Variants in ABTB2 observed in about 807,000 individuals in gnomAD.
ABTB2 encodes ankyrin repeat and BTB domain containing 2.
In ABTB2, 56 loss-of-function variants were observed where a neutral mutation model predicts 104.1. That is an observed-to-expected ratio of 0.54 (90% CI 0.43 to 0.67). The LOEUF is 0.67. Ranked by LOEUF, ABTB2 falls within the 30% of genes least tolerant of loss-of-function variation. The pLI, the probability that ABTB2 is intolerant of heterozygous loss-of-function variation, is 0.00. For synonymous variants in ABTB2, 606 were observed against 608.2 expected (o/e 1.00, Z 0.05); for missense variants, 1,279 against 1,407.7 (o/e 0.91, Z 1.46).
intron 1 of ABTB2, among the ~76,000 whole-genome samples, chr11:34,298,426 A>T (rs1211220567): frequency 2.0e-5 from 3 of 147,712 alleles, no homozygotes; most frequent in Non-Finnish European, 4.4e-5. Context: ...TTTTTTTTTT[A>T]AACCAATTAC....
At chr11:34,264,981 G>T (rs1438668748) in intron 1 of ABTB2, among the ~76,000 whole-genome samples, 2 of 152,212 alleles carry the variant, frequency 1.3e-5, no homozygotes, top group Non-Finnish European at 2.9e-5. Flanking sequence ...ACAGGGAAAG[G>T]GGAGATGTGC....
At chr11:34,268,056 G>A (rs1332204109) in intron 1 of ABTB2, among the ~76,000 whole-genome samples, 1 of 152,116 alleles carries the variant, frequency 6.6e-6, no homozygotes, top group African/African-American at 2.4e-5. Context: ...TCAGCCTCCT[G>A]AGTAGCTGGG....
At chr11:34,262,683 G>A (rs1355870675) in intron 1 of ABTB2, among the ~76,000 whole-genome samples, 1 of 152,120 alleles carries the variant, frequency 6.6e-6, no homozygotes, top group Non-Finnish European at 1.5e-5. Flanking sequence ...GCTTTGTTTA[G>A]AGCATTGTCC....
intron 1 of ABTB2, among the ~76,000 whole-genome samples, chr11:34,290,679 T>TA (rs1033501693): frequency 6.6e-6 from 1 of 151,206 alleles, no homozygotes; most frequent in African/African-American, 2.4e-5. Context: ...CTCGTCTCTA[T>TA]AAAAAATGAA....
chr11:34,157,875 C>T (rs1030459811), intron 14 of ABTB2, among the ~76,000 whole-genome samples: 10 of 152,224 alleles, frequency 6.6e-5, no homozygotes, highest in African/African-American at 2.2e-4. Flanking sequence ...CCCTTCTTAC[C>T]GCTGCAAATG....
In ABTB2 at chr11:34,173,254, T is replaced by A. The variant is rs1375916898; in HGVS notation, c.1298A>T (p.Tyr433Phe). The A allele has an allele frequency of 1.9e-6, 3 of 1,611,640 alleles. No individual in the cohort carries two copies. In the Admixed American group the frequency reaches 5.0e-5, roughly 27 times the overall value. ...GGTGAGGCTGCGGCGGTGCTCTGCG[T>A]AGGTGATGGCCACGCGCATCCACTC... Reference protein sequence around the residue: ...LMEWMRVAITYAEHRRSLTVD... With the variant: ...LMEWMRVAITFAEHRRSLTVD... The change falls in exon 4 of 17, where the codon TAC (tyrosine) becomes TTC (phenylalanine). Residue 433 changes from tyrosine to phenylalanine, a missense_variant. Tyr to Phe is a conservative substitution (Grantham distance 22). Transcript: ENST00000435224.
rs1854064465 is a variant in ABTB2 at position 34,252,213 on chromosome 11, A to G, written c.884-47523T>C. Among the ~76,000 whole-genome samples the G allele has an allele frequency of 6.6e-6, 1 of 151,858 alleles. No homozygotes were observed. The highest frequency in any genetic ancestry group is 1.9e-4 in the East Asian group (1 of 5,168). On this transcript the variant is annotated intron_variant, in intron 1 of 16. Transcript: ENST00000435224. This position sits in a 1 kb window ranked among gnomAD's most constrained non-coding sequence, Gnocchi z 5.5. ...CACCAGAGCTGGCCAGAGCCCCACG[A>G]CTCCATGCCTGGGAAAGCCGTGGCA...
intron 1 of ABTB2, among the ~76,000 whole-genome samples, chr11:34,274,656 G>C (rs1045429426): frequency 5.9e-5 from 9 of 151,272 alleles, no homozygotes; most frequent in South Asian, 2.1e-4. Context: ...AAAAAGAAAA[G>C]AAAAATACAG....
intron 1 of ABTB2, among the ~76,000 whole-genome samples, chr11:34,285,343 A>T (rs1466594047): frequency 6.6e-6 from 1 of 151,790 alleles, no homozygotes; most frequent in Non-Finnish European, 1.5e-5. Context: ...GTCCCTGGGG[A>T]TTCATCATTA....
At chr11:34,159,880 G>A (rs374658635) in intron 13 of ABTB2, 26 bp downstream of exon 13, 1 of 1,569,122 alleles carries the variant, frequency 6.4e-7, no homozygotes, top group Non-Finnish European at 8.8e-7. Flanking sequence ...CCCTGGGCTG[G>A]GAGTTTGTTA....
At chr11:34,288,800 T>C (rs1229013195) in intron 1 of ABTB2, among the ~76,000 whole-genome samples, 2 of 152,140 alleles carry the variant, frequency 1.3e-5, no homozygotes, top group African/African-American at 4.8e-5. Context: ...TGACAGAAGA[T>C]ACATGGAAAC....
chr11:34,159,389 G>A lies in ABTB2; in HGVS notation c.2607-3C>T. On this transcript the variant is annotated splice_region_variant and splice_polypyrimidine_tract_variant and intron_variant, in intron 13 of 16. Transcript: ENST00000435224. ...TATTGGTCATTAGTGTCTTGAACCT[G>A]GAGCAAAGGAGACAAAGCAAGGTGG... The A allele has an allele frequency of 6.2e-7, 1 of 1,608,372 alleles. No individual in the cohort carries two copies. The highest frequency in any genetic ancestry group is 8.5e-7 in the Non-Finnish European group (1 of 1,174,870).
At chr11:34,192,178 A>G (rs1313725643) in intron 3 of ABTB2, among the ~76,000 whole-genome samples, 1 of 152,140 alleles carries the variant, frequency 6.6e-6, no homozygotes, top group Non-Finnish European at 1.5e-5. Flanking sequence ...CTGTGGTCCC[A>G]GCTACTGGGG....
chr11:34,238,170 C>T (rs1194770696), intron 1 of ABTB2, among the ~76,000 whole-genome samples: 2 of 152,240 alleles, frequency 1.3e-5, no homozygotes, highest in African/African-American at 4.8e-5. Context: ...CCTTGCTGTT[C>T]TCAAACATGC....
chr11:34,207,012 C>G (rs1478576911), intron 1 of ABTB2, among the ~76,000 whole-genome samples: 1 of 152,238 alleles, frequency 6.6e-6, no homozygotes, highest in Non-Finnish European at 1.5e-5. Flanking sequence ...TCCCCCGCAG[C>G]CCCCTGCCAG....
At chr11:34,254,968 A>G (rs139783483) in intron 1 of ABTB2, among the ~76,000 whole-genome samples, 177 of 152,230 alleles carry the variant, frequency 1.2e-3, no homozygotes, top group African/African-American at 3.8e-3. Context: ...CCCAGCCCTG[A>G]TTTTATTTTA....
At position 34,154,699 on chromosome 11, in the gene ABTB2, A is replaced by AC; in HGVS notation, c.2766+1dup. 6.2e-7 allele frequency: 1 copy of AC among 1,613,892 alleles called. No individual in the cohort carries two copies. Among genetic ancestry groups the AC allele is most frequent in the Admixed American group, 1.7e-5 (1 of 60,008 alleles). On this transcript the variant is annotated splice_donor_variant, in intron 15 of 16. Coordinates refer to ENST00000435224, the MANE Select transcript of ABTB2 (RefSeq NM_145804.3). LOFTEE classifies it high-confidence loss of function. This position sits in a 1 kb window ranked among gnomAD's most constrained non-coding sequence, Gnocchi z 4.9. ...GCCCCCTCCCCCTCTCCCGAGTCTC[A>AC]CCTCCAGGATGTCAGTGGTGGGGAT...
chr11:34,348,469 G>A (rs765438988), intron 1 of ABTB2, among the ~76,000 whole-genome samples: 12 of 151,990 alleles, frequency 7.9e-5, no homozygotes, highest in African/African-American at 1.5e-4. Flanking sequence ...ACACATATGC[G>A]TTGGCTTCCA....
chr11:34,349,145 T>G (rs949882066), intron 1 of ABTB2, among the ~76,000 whole-genome samples: 2 of 152,212 alleles, frequency 1.3e-5, no homozygotes, highest in Non-Finnish European at 2.9e-5. Context: ...TGTGTTTACA[T>G]GACAGGCCAG....
Sources: allele counts gnomAD v4.1 joint callset (sites outside exome capture counted in the v4.1 genomes callset), GRCh38; gene constraint gnomAD v4.1.1; non-coding constraint Gnocchi (gnomAD v3.1); transcripts MANE v1.5; gene names NCBI Gene and HGNC (gene_info 2026-07-23, HGNC 2026-07-21).